Variants in FCHO2 observed in about 807,000 individuals in gnomAD.
FCHO2 encodes the protein F-BAR domain only protein 2.
A neutral mutation model predicts 114.1 loss-of-function variants in FCHO2; 43 were observed. The ratio of observed to expected loss-of-function variants is 0.38; its 90% confidence interval spans 0.30 to 0.49. FCHO2 has a LOEUF of 0.49. Ranked by LOEUF, FCHO2 falls within the 20% of genes least tolerant of loss-of-function variation. FCHO2 has a pLI of 0.97. For synonymous variants in FCHO2, 293 were observed against 315.2 expected (o/e 0.93, Z 0.75); for missense variants, 807 against 950.4 (o/e 0.85, Z 1.98).
At chr5:73,006,584 C>T in intron 6 of FCHO2, 35 bp downstream of exon 6, 1 of 1,355,312 alleles carries the variant, frequency 7.4e-7, no homozygotes, top group South Asian at 1.6e-5. Flanking sequence ...GAAAACAGGG[C>T]ATTTATATTT....
intron 5 of FCHO2, chr5:72,997,016 A>G: frequency 1.3e-6 from 2 of 1,520,466 alleles, no homozygotes; most frequent in Middle Eastern, 2.3e-4. Context: ...GCAGATCTGC[A>G]TGGTAATTCA....
At chr5:72,958,442 T>C (rs1156982241) in intron 1 of FCHO2, among the ~76,000 whole-genome samples, 6 of 152,232 alleles carry the variant, frequency 3.9e-5, no homozygotes, top group Non-Finnish European at 8.8e-5. Context: ...AAAAGGTTCA[T>C]CTTTCCCCGT....
chr5:73,012,160 A>G (rs1755050605), intron 6 of FCHO2, among the ~76,000 whole-genome samples: 1 of 152,216 alleles, frequency 6.6e-6, no homozygotes, highest in African/African-American at 2.4e-5. Flanking sequence ...TGTTTGTATC[A>G]GCATCACCAC....
intron 2 of FCHO2, among the ~76,000 whole-genome samples, chr5:72,971,304 T>C (rs1481446817): frequency 6.6e-6 from 1 of 151,654 alleles, no homozygotes; most frequent in African/African-American, 2.4e-5. Flanking sequence ...TGAACTAGTT[T>C]ACAGTCCCAC....
intron 9 of FCHO2, among the ~76,000 whole-genome samples, chr5:73,035,067 CTG>C (rs1756430696): frequency 6.6e-6 from 1 of 152,086 alleles, no homozygotes; most frequent in Non-Finnish European, 1.5e-5. Context: ...AAACTCATCT[CTG>C]TAATGTGTAG....
intron 5 of FCHO2, among the ~76,000 whole-genome samples, chr5:73,000,236 G>T (rs1335378853): frequency 6.6e-6 from 1 of 152,136 alleles, no homozygotes; most frequent in Admixed American, 6.5e-5. Context: ...ACTTAGAGAG[G>T]CCGAGGCAGG....
chr5:73,059,618 T>C (rs567626758), intron 17 of FCHO2, among the ~76,000 whole-genome samples: 29 of 152,216 alleles, frequency 1.9e-4, no homozygotes, highest in Non-Finnish European at 4.0e-4. Context: ...TTTTAAAAGA[T>C]ACTATAAGTG....
In FCHO2 at chr5:73,068,610, A is replaced by C. The variant is rs764889447; in HGVS notation, c.1450-40A>C. On this transcript the variant is annotated intron_variant, in intron 18 of 25. Coordinates refer to ENST00000430046, the MANE Select transcript of FCHO2 (RefSeq NM_138782.3). Reference sequence around the variant, plus strand: ...AAAAATCTTCTCTAACAAGAGAGGTATTGTTTTAGCATTTTGATAAATAAC... The same window carrying C: ...AAAAATCTTCTCTAACAAGAGAGGTCTTGTTTTAGCATTTTGATAAATAAC... 1.6e-5 allele frequency: 25 copies of C among 1,597,230 alleles called. No individual in the cohort carries two copies. The East Asian group carries it at 5.4e-4, about 34-fold the overall frequency.
intron 8 of FCHO2, among the ~76,000 whole-genome samples, chr5:73,024,607 T>C (rs1755817106): frequency 6.6e-6 from 1 of 151,730 alleles, no homozygotes; most frequent in Non-Finnish European, 1.5e-5. Flanking sequence ...CCTGGCTAAT[T>C]TTTGTATTTT....
intron 8 of FCHO2, among the ~76,000 whole-genome samples, chr5:73,033,304 G>T (rs1263447578): frequency 1.3e-5 from 2 of 152,034 alleles, no homozygotes; most frequent in Non-Finnish European, 2.9e-5. Context: ...TCACTTCTAT[G>T]ACTGTTTTAT....
intron 8 of FCHO2, chr5:73,021,188 G>A (rs2112758219): frequency 1.3e-6 from 1 of 766,260 alleles, no homozygotes; most frequent in Non-Finnish European, 2.4e-6. Flanking sequence ...TGAACCGGCT[G>A]TAGAGCAAGT....
chr5:73,037,243 CT>C, intron 10 of FCHO2, 28 bp downstream of exon 10: 3 of 1,513,428 alleles, frequency 2.0e-6, no homozygotes, highest in Non-Finnish European at 2.7e-6. Flanking sequence ...CGTCAAAATC[CT>C]TTTTGTTTTT....
chr5:72,964,366 G>A (rs1157591125), intron 1 of FCHO2, among the ~76,000 whole-genome samples: 1 of 152,034 alleles, frequency 6.6e-6, no homozygotes, highest in African/African-American at 2.4e-5. Flanking sequence ...CGTTCTGACT[G>A]CCTATTCTAC....
chr5:73,045,240 C>T (rs1757001900), intron 11 of FCHO2, among the ~76,000 whole-genome samples: 1 of 152,080 alleles, frequency 6.6e-6, no homozygotes, highest in South Asian at 2.1e-4. Context: ...TGTTGGTTGC[C>T]CTTTTACAGC....
At chr5:73,077,109 A>G (rs1015393936) in intron 20 of FCHO2, among the ~76,000 whole-genome samples, 1 of 152,186 alleles carries the variant, frequency 6.6e-6, no homozygotes, top group Non-Finnish European at 1.5e-5. Context: ...TTGTGTTTAG[A>G]GTTTAATTCC....
In FCHO2 at chr5:73,042,854, G is replaced by T. The variant is rs572993341; in HGVS notation, c.939+1539G>T. On this transcript the variant is annotated intron_variant, in intron 11 of 25. Transcript: ENST00000430046. ...ATAATAAATATTGCTCAAAATAGTG[G>T]TGTTCTTCTGGTGGAAATTAGAATG... is the stretch of plus-strand genomic sequence containing the variant. Among the ~76,000 whole-genome samples the T allele has an allele frequency of 2.0e-5, 3 of 152,264 alleles. No homozygotes were observed. The South Asian group carries it at 6.2e-4, about 32-fold the overall frequency.
chr5:73,010,541 A>G (rs1318057019), intron 6 of FCHO2, among the ~76,000 whole-genome samples: 2 of 152,218 alleles, frequency 1.3e-5, no homozygotes, highest in Admixed American at 6.5e-5. Flanking sequence ...ACTTTAAGAA[A>G]TGTCGTTAGG....
intron 6 of FCHO2, among the ~76,000 whole-genome samples, chr5:73,014,143 T>C (rs2112736311): frequency 6.6e-6 from 1 of 152,296 alleles, no homozygotes; most frequent in South Asian, 2.1e-4. Flanking sequence ...TTTTGAAGTT[T>C]GAAAAGGTTC....
At chr5:73,052,266 T>C (rs1757375312) in intron 12 of FCHO2, 66 bp from the exon 13 acceptor site, 2 of 1,425,764 alleles carry the variant, frequency 1.4e-6, no homozygotes, top group African/African-American at 1.4e-5. Context: ...TTTTTTAAAA[T>C]AAATGTGTGA....
Sources: allele counts gnomAD v4.1 joint callset (sites outside exome capture counted in the v4.1 genomes callset), GRCh38; gene constraint gnomAD v4.1.1; transcripts MANE v1.5; gene names NCBI Gene and HGNC (gene_info 2026-07-23, HGNC 2026-07-21).